ANKRD26: variants seen among roughly 807,000 people sequenced by gnomAD.
ANKRD26 encodes ankyrin repeat domain-containing protein 26.
ANKRD26 carries 141 observed loss-of-function variants against 208.7 expected under a neutral mutation model. The observed-to-expected ratio is 0.68, with a 90% confidence interval of 0.59 to 0.78. The LOEUF (loss-of-function observed/expected upper bound fraction) is 0.78. ANKRD26 is among the 30% of genes least tolerant of loss of function. The probability of loss-of-function intolerance (pLI) is 0.00; values close to 1 mark genes in which losing one functional copy is unlikely to be tolerated. For missense variants in ANKRD26, 1,889 were observed against 1,938.7 expected, an observed-to-expected ratio of 0.97 and a Z score of 0.48; for synonymous variants, 636 against 660.4, an observed-to-expected ratio of 0.96 and a Z score of 0.57.
chr10:27,080,420 T>C (rs1197583), intron 6 of ANKRD26, among the ~76,000 whole-genome samples: 232 of 152,284 alleles, frequency 1.5e-3, no homozygotes, highest in Non-Finnish European at 2.1e-3. Context: ...CACATACGTA[T>C]ATGCTGTTAT....
At chr10:27,053,891 CAAAG>C (rs772979100) in intron 15 of ANKRD26, among the ~76,000 whole-genome samples, 5 of 152,194 alleles carry the variant, frequency 3.3e-5, no homozygotes, top group Non-Finnish European at 7.4e-5. Context: ...TAACAAGGCA[CAAAG>C]AGTGTTTTTC....
chr10:26,954,326 T>G, the ANKRD26 span, among the ~76,000 whole-genome samples: 16 of 152,234 alleles, frequency 1.1e-4, no homozygotes, highest in African/African-American at 3.9e-4. Flanking sequence ...TCTCCAGTGA[T>G]TTGAAATGTC....
Position 27,035,683 on chromosome 10 carries a change from T to C in ANKRD26, c.2767A>G (p.Met923Val), listed in dbSNP as rs1216099292. 8 of 1,603,350 alleles carry C rather than the reference T, an allele frequency of 5.0e-6. No individual in the cohort carries two copies. The South Asian group carries it at 9.0e-5, about 18-fold the overall frequency. The change falls in exon 24 of 34, where the codon ATG becomes GTG. Residue 923 changes from methionine to valine, a missense_variant. Physicochemically the swap from Met to Val is conservative, Grantham distance 21. Coordinates refer to ENST00000376087, the MANE Select transcript of ANKRD26 (RefSeq NM_014915.3). ...KNSMLQEEIA[M>V]LRLEIDTIKN... ...ATTGTGTCTATTTCTAGTCTTAGCA[T>C]AGCAATTTCTTCCTGCAACATGCTA...
chr10:27,072,465 ACCCAGC>A (rs2055538135), intron 9 of ANKRD26, among the ~76,000 whole-genome samples: 1 of 152,102 alleles, frequency 6.6e-6, no homozygotes, highest in African/African-American at 2.4e-5. Context: ...GACTGGCCTC[ACCCAGC>A]CCCCACCCGG....
chr10:27,090,147 T>C (rs1254654110), intron 4 of ANKRD26, among the ~76,000 whole-genome samples: 3 of 152,148 alleles, frequency 2.0e-5, no homozygotes, highest in Non-Finnish European at 4.4e-5. Context: ...AGGGGTGTTC[T>C]AAAATAAGAG....
chr10:27,074,718 C>T (rs934293129), intron 9 of ANKRD26, among the ~76,000 whole-genome samples: 2 of 151,576 alleles, frequency 1.3e-5, no homozygotes, highest in Non-Finnish European at 1.5e-5. Context: ...TAACAGTAGG[C>T]TATGCCAAAT....
chr10:27,012,789 A>G, intron 32 of ANKRD26, 93 bp downstream of exon 32: 1 of 1,269,620 alleles, frequency 7.9e-7, no homozygotes, highest in Non-Finnish European at 1.1e-6. Context: ...TCCAGCCTGG[A>G]CAACAGAGTA....
chr10:27,073,829 C>A (rs541989070), intron 9 of ANKRD26, among the ~76,000 whole-genome samples: 1 of 152,124 alleles, frequency 6.6e-6, no homozygotes, highest in Non-Finnish European at 1.5e-5. Context: ...AAACAGTAAA[C>A]CTGCTCACAG....
At chr10:27,060,026 C>T (rs1191713671) in intron 15 of ANKRD26, among the ~76,000 whole-genome samples, 1 of 152,000 alleles carries the variant, frequency 6.6e-6, no homozygotes, top group Non-Finnish European at 1.5e-5. Context: ...ATGGTGAAAC[C>T]CCATCTCTAC....
intron 32 of ANKRD26, among the ~76,000 whole-genome samples, chr10:27,010,194 G>C (rs886835164): frequency 6.6e-6 from 1 of 152,078 alleles, no homozygotes; most frequent in South Asian, 2.1e-4. Context: ...CTGACAGAAT[G>C]GTTCTTTTTA....
At chr10:26,976,719 C>A (rs1489212265) in intron 5 of ANKRD26, among the ~76,000 whole-genome samples, 1 of 152,094 alleles carries the variant, frequency 6.6e-6, no homozygotes, top group African/African-American at 2.4e-5. Flanking sequence ...AGCCGTCACA[C>A]AAGCTCACTG....
chr10:27,078,910 TAA>T (rs71281564), intron 7 of ANKRD26, among the ~76,000 whole-genome samples, 177 bp downstream of exon 7: 53 of 74,534 alleles, frequency 7.1e-4, no homozygotes, highest in East Asian at 3.1e-3. Flanking sequence ...TTTACCAAAG[TAA>T]AAAAAAAAAA....
the ANKRD26 span, among the ~76,000 whole-genome samples, chr10:26,953,303 A>G: frequency 7.9e-5 from 12 of 152,076 alleles, no homozygotes; most frequent in Non-Finnish European, 1.5e-4. Context: ...TGTGCCTGTA[A>G]CCCTAGCTAC....
intron 4 of ANKRD26, among the ~76,000 whole-genome samples, chr10:27,090,045 T>C (rs1022286146): frequency 1.1e-4 from 16 of 152,190 alleles, no homozygotes; most frequent in African/African-American, 3.9e-4. Context: ...TTTTCTGTAG[T>C]CCATCCCTAG....
At chr10:27,062,699 A>G (rs1221500252) in intron 12 of ANKRD26, among the ~76,000 whole-genome samples, 2 of 149,394 alleles carry the variant, frequency 1.3e-5, no homozygotes, top group African/African-American at 4.9e-5. Context: ...AACCAACCCT[A>G]CTCTCTTCTT....
intron 5 of ANKRD26, among the ~76,000 whole-genome samples, chr10:26,977,841 C>G (rs1376164129): frequency 6.6e-6 from 1 of 152,180 alleles, no homozygotes. Context: ...GCAGAATGTG[C>G]CCTGCCCTAC....
intron 17 of ANKRD26, 90 bp from the exon 18 acceptor site, chr10:27,046,613 T>A: frequency 7.0e-6 from 9 of 1,294,354 alleles, no homozygotes; most frequent in Non-Finnish European, 9.6e-6. Flanking sequence ...AAAGAAAGAA[T>A]AAAAAATCCA....
chr10:27,025,279 T>C (rs1204665415), intron 27 of ANKRD26, among the ~76,000 whole-genome samples: 1 of 152,126 alleles, frequency 6.6e-6, no homozygotes, highest in Non-Finnish European at 1.5e-5. Context: ...CAAGCAATCC[T>C]CCCACCTCAG....
chr10:26,952,220 T>A, the ANKRD26 span, among the ~76,000 whole-genome samples: 1 of 151,954 alleles, frequency 6.6e-6, no homozygotes, highest in Non-Finnish European at 1.5e-5. Flanking sequence ...TGACGCTGCC[T>A]CCTGACTGAC....
Sources: gnomAD v4.1 joint callset for allele counts (sites outside exome capture counted in the v4.1 genomes callset) on GRCh38, gnomAD v4.1.1 for gene constraint, MANE v1.5 for transcripts, NCBI Gene and HGNC (gene_info 2026-07-23, HGNC 2026-07-21) for gene names.